The following POLA1 variants were observed in gnomAD, a reference collection of about 807,000 sequenced individuals.
The protein encoded by POLA1 is DNA polymerase alpha catalytic subunit.
Under a neutral mutation model 124.0 loss-of-function variants are expected in POLA1, and 15 were observed. That is an observed-to-expected ratio of 0.12 (90% confidence interval 0.08 to 0.19). POLA1 has a LOEUF of 0.19. Ranked by LOEUF, POLA1 falls within the 10% of genes least tolerant of loss-of-function variation. The probability of loss-of-function intolerance (pLI) is 1.00; values close to 1 mark genes in which losing one functional copy is unlikely to be tolerated. For synonymous variants in POLA1, 408 were observed against 389.4 expected, an observed-to-expected ratio of 1.05 and a Z score of -0.56; for missense variants, 886 against 1,103.4, an observed-to-expected ratio of 0.80 and a Z score of 2.79.
intron 20 of POLA1, among the ~76,000 whole-genome samples, chrX:24,740,450 AC>A (rs372906061): frequency 4.4e-4 from 49 of 110,909 alleles, no homozygotes; most frequent in African/African-American, 1.5e-3. Flanking sequence ...TTTTGCCCTT[AC>A]CCCCTTGTGG....
chrX:24,700,130 A>C (rs1238608877), intron 2 of POLA1, among the ~76,000 whole-genome samples: 1 of 107,653 alleles, frequency 9.3e-6, no homozygotes, highest in Non-Finnish European at 1.9e-5. Context: ...CTTCCTGAGT[A>C]TCTTAATTGC....
At chrX:24,918,777 A>G (rs111595842) in intron 35 of POLA1, among the ~76,000 whole-genome samples, 4,848 of 111,003 alleles carry the variant, frequency 0.044, 280 homozygotes, top group African/African-American at 0.15. Context: ...CTCATGGGGG[A>G]AGATGAAGGA....
intron 34 of POLA1, among the ~76,000 whole-genome samples, chrX:24,880,413 C>T (rs1256965158): frequency 8.9e-6 from 1 of 112,282 alleles, no homozygotes; most frequent in Non-Finnish European, 1.9e-5. Flanking sequence ...CTTGTATTAA[C>T]TTCGGTGAAT....
At chrX:24,793,604 A>C (rs2045550961) in intron 26 of POLA1, among the ~76,000 whole-genome samples, 3 of 110,672 alleles carry the variant, frequency 2.7e-5, no homozygotes, top group Non-Finnish European at 1.9e-5. Flanking sequence ...TGTTTTTTTG[A>C]GACAGAATCT....
rs771607554 is a variant in POLA1, at chrX:24,714,606, A to G, written c.399A>G (p.Ala133=). 2 of 1,203,436 alleles carry G rather than the reference A, an allele frequency of 1.7e-6. No individual in the cohort carries two copies. Among genetic ancestry groups the G allele is most frequent in the Non-Finnish European group, 2.2e-6 (2 of 889,352 alleles). The change falls in exon 5 of 37, where the codon GCA becomes GCG. Residue 133 remains alanine, a synonymous_variant. Coordinates refer to ENST00000379068, the MANE Select transcript of POLA1 (RefSeq NM_001330360.2). ...NKDKRNVKKL[A]VTKPNNIKSM... ...ACAAGAGGAATGTAAAGAAGCTCGCAGTGACAAAACCGAACAACATTAAGT... is the reference window on the plus strand; with the variant it reads ...ACAAGAGGAATGTAAAGAAGCTCGCGGTGACAAAACCGAACAACATTAAGT...
intron 34 of POLA1, among the ~76,000 whole-genome samples, chrX:24,878,268 C>T (rs777057503): frequency 1.8e-5 from 2 of 111,650 alleles, no homozygotes; most frequent in Non-Finnish European, 3.8e-5. Context: ...TCAGTTTTAA[C>T]ATTTGTCGTT....
chrX:24,718,273 G>C (rs1376072598), intron 10 of POLA1, among the ~76,000 whole-genome samples: 1 of 111,752 alleles, frequency 8.9e-6, no homozygotes, highest in Non-Finnish European at 1.9e-5. Context: ...GGCAGTGGGT[G>C]GGGGCACATT....
At chrX:24,820,076 T>A (rs2046062848) in intron 30 of POLA1, among the ~76,000 whole-genome samples, 1 of 112,105 alleles carries the variant, frequency 8.9e-6, no homozygotes, top group Admixed American at 9.4e-5. Flanking sequence ...TTTGGGTTGG[T>A]TCCAAGTCTT....
At chrX:24,902,208 A>G (rs774109107) in intron 35 of POLA1, among the ~76,000 whole-genome samples, 68 of 112,362 alleles carry the variant, frequency 6.1e-4, no homozygotes, top group African/African-American at 2.1e-3. Context: ...AGAGGAGATG[A>G]TAAGAGAAGA....
chrX:24,780,285 G>T (rs971097355), intron 26 of POLA1, among the ~76,000 whole-genome samples: 2 of 112,130 alleles, frequency 1.8e-5, no homozygotes, highest in Non-Finnish European at 3.8e-5. Context: ...TAAATGTCTG[G>T]TAGAATTCAC....
At chrX:24,863,524 G>T (rs1366345510) in intron 34 of POLA1, among the ~76,000 whole-genome samples, 3 of 111,802 alleles carry the variant, frequency 2.7e-5, no homozygotes, top group Admixed American at 1.9e-4. Flanking sequence ...AGTAACTCTT[G>T]ATCACTGTGC....
Position 24,788,768 on chromosome X carries a change from A to G in POLA1, c.2965-21130A>G, listed in dbSNP as rs369008652. The G allele has an allele frequency of 9.8e-5, 118 of 1,200,657 alleles. No homozygotes were observed. In the African/African-American group the frequency reaches 2.0e-3, roughly 20 times the overall value. On this transcript the variant is annotated intron_variant, in intron 26 of 36. Coordinates refer to ENST00000379068, the MANE Select transcript of POLA1 (RefSeq NM_001330360.2). ...CTCATCATCAGATCCAAAGAGGTCA[A>G]TGTCATCATCATCTTTACTATCTGT...
At chrX:24,865,384 A>G (rs2046780422) in intron 34 of POLA1, among the ~76,000 whole-genome samples, 1 of 112,156 alleles carries the variant, frequency 8.9e-6, no homozygotes, top group Non-Finnish European at 1.9e-5. Context: ...GTACTCCAAC[A>G]TTAAGGCTGT....
intron 34 of POLA1, among the ~76,000 whole-genome samples, chrX:24,875,115 GA>G (rs2046914350): frequency 9.1e-6 from 1 of 109,850 alleles, no homozygotes; most frequent in African/African-American, 3.3e-5. Context: ...AGTTGGCAAA[GA>G]AAAAAGGCGA....
intron 36 of POLA1, among the ~76,000 whole-genome samples, chrX:24,951,745 G>C (rs1388939660): frequency 1.8e-5 from 2 of 111,099 alleles, no homozygotes; most frequent in Non-Finnish European, 1.9e-5. Flanking sequence ...TTTGAATCTT[G>C]CCTTTATTCA....
At chrX:24,983,341 C>A (rs1184877852) in intron 36 of POLA1, among the ~76,000 whole-genome samples, 2 of 112,611 alleles carry the variant, frequency 1.8e-5, no homozygotes, top group Non-Finnish European at 3.8e-5. Context: ...GAATGCCAAA[C>A]TGTGCTCCTG....
In POLA1 at chrX:24,812,806, T is replaced by A; in HGVS notation, c.3239T>A (p.Leu1080His). Residue 1080 changes from leucine to histidine, a missense_variant, in exon 29 of 37, where the codon CTC becomes CAC. Leu to His is a moderately conservative substitution (Grantham distance 99). Coordinates refer to ENST00000379068, the MANE Select transcript of POLA1 (RefSeq NM_001330360.2). The part of the protein sequence containing the change: ...SDGNYVTKQE[L>H]KGLDIVRRDW... ...GGGAATTATGTCACCAAACAGGAGC[T>A]CAAAGGATTAGATATAGTTAGAAGA... 1 of 1,206,023 alleles carries A rather than the reference T, an allele frequency of 8.3e-7. No homozygotes were observed. The highest frequency in any genetic ancestry group is 1.1e-6 in the Non-Finnish European group (1 of 890,560).
chrX:24,745,851 C>T (rs1330537973), intron 24 of POLA1, among the ~76,000 whole-genome samples: 1 of 111,762 alleles, frequency 8.9e-6, no homozygotes, highest in Admixed American at 9.5e-5. Context: ...GTATTCTGGA[C>T]GTCTCATATA....
intron 34 of POLA1, among the ~76,000 whole-genome samples, chrX:24,867,923 G>A (rs918283113): frequency 8.9e-6 from 1 of 111,904 alleles, no homozygotes; most frequent in African/African-American, 3.2e-5. Flanking sequence ...TTCTGAGAAT[G>A]ATGATACCTT....
Sources: gnomAD v4.1 joint callset for allele counts (sites outside exome capture counted in the v4.1 genomes callset) on GRCh38, gnomAD v4.1.1 for gene constraint, MANE v1.5 for transcripts, NCBI Gene and HGNC (gene_info 2026-07-23, HGNC 2026-07-21) for gene names.